The following GRM5 variants were observed in gnomAD, a reference collection of about 807,000 sequenced individuals.
The protein encoded by GRM5 is glutamate metabotropic receptor 5.
In GRM5, 19 loss-of-function variants were observed where a neutral mutation model predicts 83.1. The ratio of observed to expected loss-of-function variants is 0.23; its 90% CI spans 0.16 to 0.34. The LOEUF (loss-of-function observed/expected upper bound fraction) is 0.34. Among genes scored for constraint, GRM5 ranks in the 10% least tolerant of loss-of-function variants. GRM5 has a pLI of 1.00. For missense variants in GRM5, 1,160 were observed against 1,588.3 expected (o/e 0.73, Z 4.58); for synonymous variants, 675 against 633.6 (o/e 1.07, Z -0.98).
chr11:88,530,292 A>G (rs1941977397), intron 8 of GRM5, among the ~76,000 whole-genome samples: 1 of 152,046 alleles, frequency 6.6e-6, no homozygotes, highest in Non-Finnish European at 1.5e-5. Flanking sequence ...GTTTTCTTAT[A>G]AACTATGGAT....
intron 2 of GRM5, among the ~76,000 whole-genome samples, chr11:88,987,565 A>T (rs917396141): frequency 4.7e-4 from 71 of 151,476 alleles, no homozygotes; most frequent in Non-Finnish European, 8.4e-4. Flanking sequence ...CAGGGCACAG[A>T]CAAACAAAAA....
chr11:88,834,217 AATC>A lies in GRM5; in HGVS notation c.911+15686_911+15688del, dbSNP rs1944051136. Reference sequence around the variant, plus strand: ...ATTACTCATTCTGACTGTAAAAAAAAATCATGTGTACCCCATACATATGTACAA... The same window carrying A: ...ATTACTCATTCTGACTGTAAAAAAAAATGTGTACCCCATACATATGTACAA... On this transcript the variant is annotated intron_variant, in intron 3 of 9. Transcript: ENST00000305447. 2.0e-5 allele frequency among the ~76,000 whole-genome samples: 3 copies of A among 152,316 alleles called. No individual in the cohort carries two copies. The South Asian group carries it at 6.2e-4, about 32-fold the overall frequency.
At chr11:88,776,817 C>G (rs1942862358) in intron 3 of GRM5, among the ~76,000 whole-genome samples, 2 of 152,204 alleles carry the variant, frequency 1.3e-5, no homozygotes, top group African/African-American at 4.8e-5. Flanking sequence ...TGCTGTTAGT[C>G]TGATGGGCTT....
At chr11:88,903,749 G>A (rs12360742) in intron 2 of GRM5, among the ~76,000 whole-genome samples, 2,943 of 152,314 alleles carry the variant, frequency 0.019, 46 homozygotes, top group East Asian at 0.066. Context: ...TAGGAAGATT[G>A]AGTAGTGGAG....
chr11:88,810,251 A>G (rs1286961443), intron 3 of GRM5, among the ~76,000 whole-genome samples: 1 of 152,082 alleles, frequency 6.6e-6, no homozygotes, highest in Non-Finnish European at 1.5e-5. Flanking sequence ...AAAGCCAGTA[A>G]TAATTAGGTT....
chr11:89,047,095 A>G lies in GRM5; in HGVS notation c.661+117T>C. ...CAGTCTGTTCTTATAGTACTGGTAT[A>G]ACTCGGACAATTCAAAATATCCAAA... On this transcript the variant is annotated intron_variant, in intron 2 of 9. Coordinates refer to ENST00000305447, the MANE Select transcript of GRM5 (RefSeq NM_001143831.3). This position sits in a 1 kb window ranked among gnomAD's most constrained non-coding sequence, Gnocchi z 5.1. 1 of 773,892 alleles carries G rather than the reference A, an allele frequency of 1.3e-6. No individual in the cohort carries two copies. The highest frequency in any genetic ancestry group is 1.8e-5 in the South Asian group (1 of 55,086). The allele number at this position is 773,892 out of a possible 1,614,324, so 47.9% of individuals were successfully genotyped here. A position where few individuals can be genotyped will look rare whatever the true frequency, so the allele number is the denominator to read the frequency against.
chr11:88,624,377 G>T lies in GRM5; in HGVS notation c.1148-19413C>A, dbSNP rs189035352. ...ATGAATTTTCTTCCTTTTCTTGTCT[G>T]CTGAATAAACTTAATTAAATATTGC... is the stretch of plus-strand genomic sequence containing the variant. On this transcript the variant is annotated intron_variant, in intron 4 of 9. Coordinates refer to ENST00000305447, the MANE Select transcript of GRM5 (RefSeq NM_001143831.3). Among the ~76,000 whole-genome samples, 128 of 152,276 alleles carry T rather than the reference G, an allele frequency of 8.4e-4. No individual in the cohort carries two copies. The Middle Eastern group carries it at 0.014, about 16-fold the overall frequency.
chr11:88,919,387 A>G (rs1945652035), intron 2 of GRM5, among the ~76,000 whole-genome samples: 1 of 150,576 alleles, frequency 6.6e-6, no homozygotes, highest in South Asian at 2.1e-4. Context: ...ACTAGAGAAC[A>G]CAGATATATA....
chr11:88,995,625 A>C (rs948240237), intron 2 of GRM5, among the ~76,000 whole-genome samples: 2 of 151,902 alleles, frequency 1.3e-5, no homozygotes, highest in Admixed American at 6.6e-5. Context: ...AATGTTGTAG[A>C]ATATATTCTT....
At chr11:88,562,571 G>A (rs1942782484) in intron 8 of GRM5, among the ~76,000 whole-genome samples, 1 of 151,876 alleles carries the variant, frequency 6.6e-6, no homozygotes, top group Non-Finnish European at 1.5e-5. Flanking sequence ...ACCATTTTGG[G>A]GGACTACTCT....
intron 2 of GRM5, among the ~76,000 whole-genome samples, chr11:88,919,238 C>CTATACATATA (rs1945646205): frequency 3.1e-5 from 1 of 32,390 alleles, no homozygotes; most frequent in African/African-American, 5.3e-5. Context: ...GCAGGAGTAG[C>CTATACATATA]TATATATATA....
intron 2 of GRM5, among the ~76,000 whole-genome samples, chr11:88,910,498 C>T (rs1393390590): frequency 6.6e-6 from 1 of 151,938 alleles, no homozygotes; most frequent in Non-Finnish European, 1.5e-5. Flanking sequence ...TTTGTGGAAC[C>T]ACCAAATGGT....
chr11:88,555,164 T>A (rs1054929804), intron 8 of GRM5, among the ~76,000 whole-genome samples: 2 of 152,160 alleles, frequency 1.3e-5, no homozygotes, highest in Non-Finnish European at 2.9e-5. Flanking sequence ...GAGTTAATAA[T>A]ATCTGACTCA....
intron 3 of GRM5, among the ~76,000 whole-genome samples, chr11:88,779,701 C>G (rs1942935740): frequency 6.6e-6 from 1 of 152,146 alleles, no homozygotes; most frequent in Admixed American, 6.6e-5. Flanking sequence ...CTCCTAAGTT[C>G]TATATTGCAG....
intron 2 of GRM5, among the ~76,000 whole-genome samples, chr11:88,939,640 G>A (rs530097773): frequency 2.4e-4 from 37 of 151,748 alleles, no homozygotes; most frequent in Non-Finnish European, 4.3e-4. Context: ...CACAACACTA[G>A]ATTAGAATAA....
Position 88,839,394 on chromosome 11 carries a change from G to A in GRM5, c.911+10512C>T, listed in dbSNP as rs1364814029. ...GAAAAATAAACAAAAAATGGTTTTA[G>A]TACATGGATAGGTAGCTTTTAGGAA... is the stretch of plus-strand genomic sequence containing the variant. On this transcript the variant is annotated intron_variant, in intron 3 of 9. Transcript: ENST00000305447. 3.9e-5 allele frequency among the ~76,000 whole-genome samples: 6 copies of A among 152,226 alleles called. No homozygotes were observed. The South Asian group carries it at 8.3e-4, about 21-fold the overall frequency.
At chr11:88,517,603 C>T (rs1282645589) in intron 9 of GRM5, among the ~76,000 whole-genome samples, 1 of 152,056 alleles carries the variant, frequency 6.6e-6, no homozygotes, top group East Asian at 1.9e-4. Context: ...GGGAATATGC[C>T]AATAAGATTA....
At chr11:88,790,848 G>A (rs1353787464) in intron 3 of GRM5, among the ~76,000 whole-genome samples, 1 of 152,188 alleles carries the variant, frequency 6.6e-6, no homozygotes, top group Non-Finnish European at 1.5e-5. Flanking sequence ...GCAACGGCTA[G>A]CATATGATGG....
At chr11:88,820,602 T>G (rs143812987) in intron 3 of GRM5, among the ~76,000 whole-genome samples, 17 of 152,312 alleles carry the variant, frequency 1.1e-4, no homozygotes, top group African/African-American at 4.1e-4. Context: ...GCTTTGCCTC[T>G]CAGAGCACTG....
Sources: allele counts gnomAD v4.1 joint callset (sites outside exome capture counted in the v4.1 genomes callset), GRCh38; gene constraint gnomAD v4.1.1; non-coding constraint Gnocchi (gnomAD v3.1); transcripts MANE v1.5; gene names NCBI Gene and HGNC (gene_info 2026-07-23, HGNC 2026-07-21).